Variants in ITPR1 observed in about 807,000 individuals in gnomAD.
ITPR1 encodes inositol 1,4,5-trisphosphate receptor type 1.
In ITPR1, 96 loss-of-function variants were observed where a neutral mutation model predicts 318.4. The ratio of observed to expected loss-of-function variants is 0.30; its 90% confidence interval spans 0.26 to 0.36. The LOEUF (loss-of-function observed/expected upper bound fraction) is 0.36. Ranked by LOEUF, ITPR1 falls within the 10% of genes least tolerant of loss-of-function variation. ITPR1 has a pLI of 1.00. For missense variants in ITPR1, 2,440 were observed against 3,460.2 expected (o/e 0.71, Z 7.40); for synonymous variants, 1,312 against 1,289.9 (o/e 1.02, Z -0.37).
chr3:4,774,277 T>C (rs926789605), intron 46 of ITPR1, among the ~76,000 whole-genome samples: 8 of 152,242 alleles, frequency 5.3e-5, no homozygotes, highest in African/African-American at 1.7e-4. Flanking sequence ...TACTCCTCAA[T>C]TGGTGCGCAA....
intron 4 of ITPR1, among the ~76,000 whole-genome samples, chr3:4,596,478 C>G (rs1019094153): frequency 3.3e-5 from 5 of 152,316 alleles, no homozygotes. Flanking sequence ...TTATTTAAAG[C>G]TAGCACGGTT....
At chr3:4,539,959 A>G (rs1275506903) in intron 4 of ITPR1, among the ~76,000 whole-genome samples, 2 of 150,060 alleles carry the variant, frequency 1.3e-5, no homozygotes, top group East Asian at 3.9e-4. Context: ...ATTCTGTTAT[A>G]AGCAATGGAA....
chr3:4,732,125 G>A (rs189379885), intron 42 of ITPR1, among the ~76,000 whole-genome samples: 232 of 152,242 alleles, frequency 1.5e-3, no homozygotes, highest in Non-Finnish European at 2.6e-3. Flanking sequence ...TTAGGAGTGC[G>A]GGTGAAAGTG....
chr3:4,745,171 C>G lies in ITPR1; in HGVS notation c.5544+9817C>G, dbSNP rs192717054. ...CCCTTCTTTCCTTCCCTTCCTTTCC[C>G]CTTTTCCTTCATTTTTTTCTTTCTT... On this transcript the variant is annotated intron_variant, in intron 44 of 61. Transcript: ENST00000649015. Among the ~76,000 whole-genome samples the G allele has an allele frequency of 2.0e-5, 3 of 149,934 alleles. No individual in the cohort carries two copies. In the Admixed American group the frequency reaches 2.0e-4, roughly 10 times the overall value.
rs945386055 is a variant in ITPR1 at position 4,641,996 on chromosome 3, G to A, written c.367-97G>A. ...GGCTTCACCAGCAGCTCAATGGTGG[G>A]AGGAATGTTTGCTACATAGTTGGTA... On this transcript the variant is annotated intron_variant, in intron 6 of 61. Coordinates refer to ENST00000649015, the MANE Select transcript of ITPR1 (RefSeq NM_001378452.1). 10 of 944,856 alleles carry A rather than the reference G, an allele frequency of 1.1e-5. No homozygotes were observed. In the Admixed American group the frequency reaches 2.0e-4, roughly 19 times the overall value. The allele number at this position is 944,856 out of a possible 1,614,324, so 58.5% of individuals were successfully genotyped here.
chr3:4,768,486 T>C, intron 45 of ITPR1, 25 bp from the exon 46 acceptor site: 2 of 1,586,362 alleles, frequency 1.3e-6, no homozygotes, highest in South Asian at 2.3e-5. Flanking sequence ...TCTGCAGCCT[T>C]TCATGCCTTA....
intron 4 of ITPR1, among the ~76,000 whole-genome samples, chr3:4,585,219 A>G (rs1037602936): frequency 9.9e-5 from 15 of 152,194 alleles, no homozygotes; most frequent in Admixed American, 7.9e-4. Flanking sequence ...TTATGAACCT[A>G]TTTGCCTAAT....
chr3:4,750,379 C>G (rs2044411085), intron 44 of ITPR1: 1 of 152,144 alleles, frequency 6.6e-6, no homozygotes, highest in South Asian at 2.1e-4. Context: ...TTAAAGTCCT[C>G]AACCAGCAGG....
At chr3:4,643,927 C>T (rs540537300) in intron 7 of ITPR1, among the ~76,000 whole-genome samples, 1 of 151,140 alleles carries the variant, frequency 6.6e-6, no homozygotes, top group Non-Finnish European at 1.5e-5. Context: ...ACTCGAGGAA[C>T]AACATTCAGG....
chr3:4,742,533 G>C (rs2043785996), intron 44 of ITPR1, among the ~76,000 whole-genome samples: 1 of 152,184 alleles, frequency 6.6e-6, no homozygotes, highest in Non-Finnish European at 1.5e-5. Context: ...GAGAACTCCT[G>C]AGATGTTTTC....
intron 13 of ITPR1, 23 bp from the exon 14 acceptor site, chr3:4,660,965 A>G: frequency 7.7e-7 from 1 of 1,300,104 alleles, no homozygotes; most frequent in Non-Finnish European, 1.1e-6. Flanking sequence ...ATTTCCCTAA[A>G]ACCCTCCTTT....
intron 54 of ITPR1, among the ~76,000 whole-genome samples, chr3:4,805,794 A>G (rs1575320230): frequency 6.6e-6 from 1 of 152,242 alleles, no homozygotes; most frequent in African/African-American, 2.4e-5. Flanking sequence ...AATGATTCAT[A>G]TCTCATTTTG....
intron 44 of ITPR1, among the ~76,000 whole-genome samples, chr3:4,761,092 T>C (rs1416802964): frequency 6.6e-6 from 1 of 152,230 alleles, no homozygotes; most frequent in Admixed American, 6.5e-5. Flanking sequence ...CCTTTTCTAC[T>C]CACAACCCCC....
chr3:4,793,045 A>G (rs2047671159), intron 52 of ITPR1, among the ~76,000 whole-genome samples: 1 of 152,208 alleles, frequency 6.6e-6, no homozygotes, highest in African/African-American at 2.4e-5. Flanking sequence ...ACATAGTTCC[A>G]TGTGCCACAG....
chr3:4,769,106 G>A (rs974643331), intron 46 of ITPR1, among the ~76,000 whole-genome samples: 2 of 151,768 alleles, frequency 1.3e-5, no homozygotes, highest in Admixed American at 1.3e-4. Flanking sequence ...CATCATGTTG[G>A]CCAGGCTGGT....
intron 39 of ITPR1, among the ~76,000 whole-genome samples, chr3:4,716,226 T>A (rs2041754281): frequency 6.6e-6 from 1 of 152,052 alleles, no homozygotes; most frequent in Non-Finnish European, 1.5e-5. Context: ...GAAAATAACC[T>A]CCCACAGCTA....
At chr3:4,701,133 T>C (rs1431290416) in intron 35 of ITPR1, among the ~76,000 whole-genome samples, 1 of 152,182 alleles carries the variant, frequency 6.6e-6, no homozygotes, top group Non-Finnish European at 1.5e-5. Flanking sequence ...TAATCATCTT[T>C]TGTACACTGA....
rs928455474 is a variant in ITPR1, at chr3:4,779,918, C to A, written c.6387+273C>A. On this transcript the variant is annotated intron_variant, in intron 49 of 61. Coordinates refer to ENST00000649015, the MANE Select transcript of ITPR1 (RefSeq NM_001378452.1). This position sits in a 1 kb window ranked among gnomAD's most constrained non-coding sequence, Gnocchi z 4.0. ...GCAAAAACCGCGATTACTTTTGCAC[C>A]AACCTATATGACATTGAATACGTGC... Among the ~76,000 whole-genome samples the A allele has an allele frequency of 6.6e-6, 1 of 151,102 alleles. No individual in the cohort carries two copies. Among genetic ancestry groups the A allele is most frequent in the Non-Finnish European group, 1.5e-5 (1 of 67,716 alleles).
chr3:4,544,924 G>A (rs188345080), intron 4 of ITPR1, among the ~76,000 whole-genome samples: 1 of 152,134 alleles, frequency 6.6e-6, no homozygotes, highest in African/African-American at 2.4e-5. Flanking sequence ...CCCCCAAGTA[G>A]CTGGGACTAT....
Sources: gnomAD v4.1 joint callset for allele counts (sites outside exome capture counted in the v4.1 genomes callset) on GRCh38, gnomAD v4.1.1 for gene constraint, Gnocchi (gnomAD v3.1) non-coding constraint, MANE v1.5 for transcripts, NCBI Gene and HGNC (gene_info 2026-07-23, HGNC 2026-07-21) for gene names.